Variants in CHD7 observed in about 807,000 individuals in gnomAD.
CHD7 encodes the protein chromodomain helicase DNA binding protein 7, also known as ATP-dependent chromatin remodeler CHD7.
In CHD7, 24 loss-of-function variants were observed where a neutral mutation model predicts 307.3. That is an observed-to-expected ratio of 0.08 (90% CI 0.06 to 0.11). The LOEUF is 0.11. Ranked by LOEUF, CHD7 falls within the 10% of genes least tolerant of loss-of-function variation. CHD7 has a pLI of 1.00. For synonymous variants in CHD7, 1,363 were observed against 1,349.9 expected, an observed-to-expected ratio of 1.01 and a Z score of -0.21; for missense variants, 3,106 against 3,727.1, an observed-to-expected ratio of 0.83 and a Z score of 4.34.
chr8:60,838,286 C>G lies in CHD7; in HGVS notation c.4533+31C>G, dbSNP rs770607351. 47 of 1,577,026 alleles carry G rather than the reference C, an allele frequency of 3.0e-5. No homozygotes were observed. In the East Asian group the frequency reaches 5.0e-4, roughly 17 times the overall value. On this transcript the variant is annotated intron_variant, in intron 19 of 37. Coordinates refer to ENST00000423902, the MANE Select transcript of CHD7 (RefSeq NM_017780.4). The stretch of plus-strand genomic sequence containing the variant: ...AATCGATCTAAAGAGGCCAGGTTTT[C>G]CATAGAAGCATGACAGAGTTCATGT...
chr8:60,746,535 A>G (rs1019138428), intron 2 of CHD7, among the ~76,000 whole-genome samples: 2 of 152,236 alleles, frequency 1.3e-5, no homozygotes, highest in Non-Finnish European at 2.9e-5. Context: ...ACCAGGTATC[A>G]GGGAAGATAC....
intron 1 of CHD7, among the ~76,000 whole-genome samples, chr8:60,726,537 G>C (rs571116789): frequency 6.6e-6 from 1 of 152,316 alleles, no homozygotes; most frequent in South Asian, 2.1e-4. Context: ...ATGTGTGATC[G>C]TCTGCACTGA....
At chr8:60,787,605 ATAC>A (rs2150682664) in intron 3 of CHD7, among the ~76,000 whole-genome samples, 1 of 152,280 alleles carries the variant, frequency 6.6e-6, no homozygotes, top group African/African-American at 2.4e-5. Flanking sequence ...TTCCATTAGA[ATAC>A]TAATTTTTAT....
At chr8:60,754,055 T>C (rs1005277743) in intron 2 of CHD7, among the ~76,000 whole-genome samples, 1 of 152,242 alleles carries the variant, frequency 6.6e-6, no homozygotes, top group African/African-American at 2.4e-5. Flanking sequence ...TGTCAGTTTA[T>C]TTCTTTCATT....
chr8:60,855,694 G>A (rs1805667592), intron 32 of CHD7, among the ~76,000 whole-genome samples: 2 of 152,232 alleles, frequency 1.3e-5, no homozygotes, highest in Admixed American at 1.3e-4. Context: ...TGGTGATTAT[G>A]TAGTACATTT....
rs1248453634 is a variant in CHD7, at chr8:60,851,065, A to G, written c.5568A>G (p.Glu1856=). Residue 1856 remains glutamate (E), a synonymous_variant, in exon 27 of 38, where the codon GAA becomes GAG. Transcript: ENST00000423902. ...GEFDREDEDP[E]YKPTRTPFKD... ...TTGATAGAGAAGATGAAGACCCAGA[A>G]TATAAACCAACCAGAACACCGTTCA... 8 of 1,575,522 alleles carry G rather than the reference A, an allele frequency of 5.1e-6. No homozygotes were observed. In the Admixed American group the frequency reaches 5.5e-5, roughly 11 times the overall value.
chr8:60,848,764 T>C (rs754512062), intron 24 of CHD7, among the ~76,000 whole-genome samples, 160 bp downstream of exon 24: 5 of 152,086 alleles, frequency 3.3e-5, no homozygotes, highest in Non-Finnish European at 4.4e-5. Flanking sequence ...GGGGATGTGA[T>C]GAGAATCAGG....
intron 17 of CHD7, 63 bp downstream of exon 17, chr8:60,837,075 G>C: frequency 7.5e-7 from 1 of 1,328,168 alleles, no homozygotes. Context: ...CTATGACAGA[G>C]AGTACCAGTC....
intron 1 of CHD7, among the ~76,000 whole-genome samples, chr8:60,693,971 G>A (rs935447674): frequency 6.6e-6 from 1 of 152,222 alleles, no homozygotes; most frequent in Non-Finnish European, 1.5e-5. Flanking sequence ...TGGGCCCTCA[G>A]GTGGGTTTCA....
chr8:60,695,054 T>C (rs917083174), intron 1 of CHD7, among the ~76,000 whole-genome samples: 2 of 151,990 alleles, frequency 1.3e-5, no homozygotes, highest in Admixed American at 1.3e-4. Context: ...GACACAGCCA[T>C]GGACATTCAG....
intron 31 of CHD7, 145 bp from the exon 32 acceptor site, chr8:60,854,218 A>G (rs953749284): frequency 2.5e-5 from 16 of 628,796 alleles, no homozygotes; most frequent in African/African-American, 2.0e-4. Flanking sequence ...GCTTTAGACA[A>G]CAGTGCCCAA....
intron 4 of CHD7, among the ~76,000 whole-genome samples, chr8:60,795,824 G>T (rs1326309058): frequency 6.6e-6 from 1 of 152,154 alleles, no homozygotes; most frequent in Non-Finnish European, 1.5e-5. Flanking sequence ...TCCTTGTTAG[G>T]TTCCCTGGAA....
chr8:60,793,189 C>T (rs1407959461), intron 3 of CHD7, among the ~76,000 whole-genome samples: 1 of 151,888 alleles, frequency 6.6e-6, no homozygotes, highest in Admixed American at 6.6e-5. Flanking sequence ...GTAGGGGAGA[C>T]TTCTGTCCAT....
At chr8:60,784,438 A>G (rs951372876) in intron 3 of CHD7, among the ~76,000 whole-genome samples, 1 of 152,216 alleles carries the variant, frequency 6.6e-6, no homozygotes, top group South Asian at 2.1e-4. Flanking sequence ...ATGCCATATC[A>G]TTGCTGTGTT....
chr8:60,840,359 C>T (rs745489099), intron 19 of CHD7, among the ~76,000 whole-genome samples: 5 of 152,162 alleles, frequency 3.3e-5, no homozygotes, highest in Non-Finnish European at 7.3e-5. Context: ...ACTTATCACC[C>T]CTGTCTCTCC....
chr8:60,759,645 C>T (rs1237307801), intron 2 of CHD7, among the ~76,000 whole-genome samples: 1 of 152,142 alleles, frequency 6.6e-6, no homozygotes, highest in Non-Finnish European at 1.5e-5. Context: ...CAGAGGTAAG[C>T]CCCCGTCAGT....
chr8:60,696,120 A>G (rs1409715705), intron 1 of CHD7, among the ~76,000 whole-genome samples: 1 of 152,234 alleles, frequency 6.6e-6, no homozygotes, highest in African/African-American at 2.4e-5. Flanking sequence ...AAAAATGTGA[A>G]GCTTGAAAGA....
intron 1 of CHD7, among the ~76,000 whole-genome samples, chr8:60,713,447 T>A (rs531096736): frequency 2.3e-4 from 35 of 152,162 alleles, no homozygotes; most frequent in Admixed American, 2.1e-3. Flanking sequence ...AGTACTATAT[T>A]TGAGAAGGGA....
chr8:60,801,496 A>G (rs1812308966), intron 5 of CHD7, 32 bp from the exon 6 acceptor site: 9 of 1,513,520 alleles, frequency 5.9e-6, no homozygotes, highest in South Asian at 2.4e-5. Flanking sequence ...GATGTTTTCT[A>G]TTTGGATTGA....
Sources: gnomAD v4.1 joint callset for allele counts (sites outside exome capture counted in the v4.1 genomes callset) on GRCh38, gnomAD v4.1.1 for gene constraint, MANE v1.5 for transcripts, NCBI Gene and HGNC (gene_info 2026-07-23, HGNC 2026-07-21) for gene names.